Variants in ME1 observed in about 807,000 individuals in gnomAD.
ME1 encodes malic enzyme 1, also known as NADP-dependent malic enzyme.
Under a neutral mutation model 66.4 loss-of-function variants are expected in ME1, and 74 were observed. The ratio of observed to expected loss-of-function variants is 1.11; its 90% CI spans 0.92 to 1.35. The LOEUF (loss-of-function observed/expected upper bound fraction) is 1.35, where lower values mean the gene tolerates loss of function less well. Ranked by LOEUF, ME1 falls within the 40% of genes most tolerant of loss-of-function variation. ME1 has a pLI of 0.00. For synonymous variants in ME1, 251 were observed against 235.6 expected (o/e 1.07, Z -0.60); for missense variants, 750 against 694.1 (o/e 1.08, Z -0.90).
chr6:83,374,042 C>A (rs1224110627), intron 3 of ME1, among the ~76,000 whole-genome samples: 3 of 150,898 alleles, frequency 2.0e-5, no homozygotes. Context: ...CATTGATGAC[C>A]ATAGTGCTGC....
intron 13 of ME1, among the ~76,000 whole-genome samples, chr6:83,213,461 C>A (rs118162265): frequency 0.029 from 4,365 of 151,266 alleles, 101 homozygotes; most frequent in Admixed American, 0.059. Flanking sequence ...ACAACAACAA[C>A]AAAAAAACAA....
At chr6:83,217,536 A>C (rs143048492) in intron 12 of ME1, among the ~76,000 whole-genome samples, 30 of 152,306 alleles carry the variant, frequency 2.0e-4, no homozygotes, top group African/African-American at 7.0e-4. Context: ...GAGATGTATA[A>C]TTTAGTAAGG....
In ME1 at chr6:83,398,476, GT is replaced by G. The variant is rs1562002986; in HGVS notation, c.252del (p.Lys84AsnfsTer7). The stretch of plus-strand genomic sequence containing the variant: ...TCAGATGTCAGCACTCTATAAAAGA[GT>G]TTTTCATTTCTATCTTGGAGATCCA... ...LLMDLQDRNE[K>X]LFYRVLTSDI... On this transcript the variant is annotated frameshift_variant, in exon 3 of 14. Coordinates refer to ENST00000369705, the MANE Select transcript of ME1 (RefSeq NM_002395.6). LOFTEE classifies it high-confidence loss of function. 6.3e-7 allele frequency: 1 copy of G among 1,578,398 alleles called. No homozygotes were observed. Among genetic ancestry groups the G allele is most frequent in the East Asian group, 2.3e-5 (1 of 43,402 alleles).
intron 2 of ME1, among the ~76,000 whole-genome samples, chr6:83,406,971 T>TATACAC (rs1769956739): frequency 7.0e-6 from 1 of 143,876 alleles, no homozygotes. Context: ...TTTTCATTCA[T>TATACAC]ACACACACAC....
intron 5 of ME1, among the ~76,000 whole-genome samples, chr6:83,321,807 A>G (rs1768181485): frequency 6.6e-6 from 1 of 152,222 alleles, no homozygotes; most frequent in Non-Finnish European, 1.5e-5. Flanking sequence ...TCTGCTAAGA[A>G]ACAGACTGCC....
intron 6 of ME1, among the ~76,000 whole-genome samples, chr6:83,261,783 G>A (rs1480847605): frequency 6.6e-6 from 1 of 152,042 alleles, no homozygotes; most frequent in Non-Finnish European, 1.5e-5. Flanking sequence ...GGAGGCCGAG[G>A]CAGATGGATC....
Position 83,368,659 on chromosome 6 carries a change from G to A in ME1, c.363-16520C>T, listed in dbSNP as rs547921474. Among the ~76,000 whole-genome samples, 36 of 152,114 alleles carry A rather than the reference G, an allele frequency of 2.4e-4. 1 individual carries two copies. In the South Asian group the frequency reaches 6.8e-3, roughly 29 times the overall value. Reference sequence around the variant, plus strand: ...GCATTGATCTCACCATTTACAACATGGATTTACAAAACTAACACATTACAA... The same window carrying A: ...GCATTGATCTCACCATTTACAACATAGATTTACAAAACTAACACATTACAA... On this transcript the variant is annotated intron_variant, in intron 3 of 13. Coordinates refer to ENST00000369705, the MANE Select transcript of ME1 (RefSeq NM_002395.6).
chr6:83,394,156 C>T (rs949578055), intron 3 of ME1, among the ~76,000 whole-genome samples: 6 of 151,656 alleles, frequency 4.0e-5, no homozygotes, highest in Admixed American at 6.6e-5. Flanking sequence ...ATTCTAACTC[C>T]TTTTCTTCAA....
chr6:83,259,686 C>A (rs1766848210), intron 6 of ME1, among the ~76,000 whole-genome samples: 1 of 152,138 alleles, frequency 6.6e-6, no homozygotes, highest in Non-Finnish European at 1.5e-5. Flanking sequence ...TTGTAGGTAA[C>A]AACGAAGAAG....
chr6:83,411,200 C>A (rs1483478028), intron 1 of ME1, among the ~76,000 whole-genome samples: 1 of 151,930 alleles, frequency 6.6e-6, no homozygotes, highest in Non-Finnish European at 1.5e-5. Context: ...CCCATCTCTA[C>A]TAAAAATACA....
chr6:83,407,796 A>G lies in ME1; in HGVS notation c.184T>C (p.Phe62Leu), dbSNP rs1769974612. The G allele has an allele frequency of 3.7e-6, 6 of 1,608,684 alleles. No homozygotes were observed. The highest frequency in any genetic ancestry group is 5.1e-6 in the Non-Finnish European group (6 of 1,178,720). Residue 62 changes from phenylalanine to leucine, a missense_variant, in exon 2 of 14, where the codon TTC becomes CTC. Phe to Leu is a conservative substitution (Grantham distance 22). Coordinates refer to ENST00000369705, the MANE Select transcript of ME1 (RefSeq NM_002395.6). ...EIQVLRVVKN[F>L]EHLNSDFDRY... is the part of the protein sequence containing the mutation. ...TCAAAGTCAGAGTTCAGATGCTCGA[A>G]ATTTTTTACTACTCTAAGAACCTGG...
At chr6:83,430,808 G>A (rs1360436857) in intron 1 of ME1, 69 bp downstream of exon 1, 2 of 1,352,098 alleles carry the variant, frequency 1.5e-6, no homozygotes, top group Non-Finnish European at 2.1e-6. Context: ...ATGGTGCGGG[G>A]ACCTGCAAGA....
Position 83,211,647 on chromosome 6 carries a change from G to T in ME1, c.*277C>A. Reference sequence around the variant, plus strand: ...TCCCATTAGTGTCCTGTATAAAAATGATGAGTTTCTCCGTAGTACGTACAA... The same window carrying T: ...TCCCATTAGTGTCCTGTATAAAAATTATGAGTTTCTCCGTAGTACGTACAA... On this transcript the variant is annotated 3_prime_UTR_variant, in exon 14 of 14. Transcript: ENST00000369705. 4.6e-6 allele frequency: 1 copy of T among 215,294 alleles called. No individual in the cohort carries two copies. The allele number at this position is 215,294 out of a possible 1,614,324, so 13.3% of individuals were successfully genotyped here.
chr6:83,411,093 T>C lies in ME1; in HGVS notation c.79-3192A>G, dbSNP rs191916416. ...CTAGGATTGTGGAGAAAAATACTCC[T>C]ATGGGCCGGGCGTGGTGGCTCACGC... is the stretch of plus-strand genomic sequence containing the variant. On this transcript the variant is annotated intron_variant, in intron 1 of 13. Transcript: ENST00000369705. Among the ~76,000 whole-genome samples, 59 of 152,312 alleles carry C rather than the reference T, an allele frequency of 3.9e-4. 1 individual carries two copies. The East Asian group carries it at 0.01, about 26-fold the overall frequency.
chr6:83,404,010 G>T (rs1158182693), intron 2 of ME1, among the ~76,000 whole-genome samples: 1 of 152,134 alleles, frequency 6.6e-6, no homozygotes, highest in East Asian at 1.9e-4. Context: ...AATTCTTTGG[G>T]TATATAACCA....
Position 83,370,135 on chromosome 6 carries a change from C to A in ME1, c.363-17996G>T, listed in dbSNP as rs565939877. On this transcript the variant is annotated intron_variant, in intron 3 of 13. Transcript: ENST00000369705. ...TAAAATTTGTAAAGACCGTTACATACTAAAATGGATAAAGTTAGGAAGATA... is the reference window on the plus strand; with the variant it reads ...TAAAATTTGTAAAGACCGTTACATAATAAAATGGATAAAGTTAGGAAGATA... Among the ~76,000 whole-genome samples the A allele has an allele frequency of 2.0e-5, 3 of 152,182 alleles. No homozygotes were observed. In the South Asian group the frequency reaches 6.2e-4, roughly 32 times the overall value.
At chr6:83,425,203 C>T (rs1380913079) in intron 1 of ME1, among the ~76,000 whole-genome samples, 1 of 151,700 alleles carries the variant, frequency 6.6e-6, no homozygotes, top group Non-Finnish European at 1.5e-5. Flanking sequence ...GCTATGTTTC[C>T]CAGTCTGGTC....
chr6:83,380,003 A>C (rs913760165), intron 3 of ME1, among the ~76,000 whole-genome samples: 23 of 152,246 alleles, frequency 1.5e-4, no homozygotes, highest in Admixed American at 1.3e-3. Context: ...GATTCAAACC[A>C]ACCCTCTTCA....
At position 83,239,636 on chromosome 6, in the gene ME1, C is replaced by T; in HGVS notation, c.815G>A (p.Gly272Glu). ...ACCTGCAACTGCAACAGATGCTGTT[C>T]CTGAAACAAGTAATAAATATCCTTG... is the stretch of plus-strand genomic sequence containing the variant. Reference protein sequence around the residue: ...QYCTFNDDIQGTASVAVAGLL... With the variant: ...QYCTFNDDIQETASVAVAGLL... Residue 272 changes from glycine (G) to glutamate (E), a missense_variant and splice_region_variant, in exon 8 of 14, where the codon GGA (glycine) becomes GAA (glutamate). Gly to Glu is a moderately conservative substitution (Grantham distance 98). Coordinates refer to ENST00000369705, the MANE Select transcript of ME1 (RefSeq NM_002395.6). 6.2e-7 allele frequency: 1 copy of T among 1,608,282 alleles called. No individual in the cohort carries two copies. Among genetic ancestry groups the T allele is most frequent in the Non-Finnish European group, 8.5e-7 (1 of 1,174,876 alleles).
Sources: allele counts gnomAD v4.1 joint callset (sites outside exome capture counted in the v4.1 genomes callset), GRCh38; gene constraint gnomAD v4.1.1; transcripts MANE v1.5; gene names NCBI Gene and HGNC (gene_info 2026-07-23, HGNC 2026-07-21).